The following PBXIP1 variants were observed in gnomAD, a reference collection of about 807,000 sequenced individuals.
PBXIP1 encodes PBX homeobox interacting protein 1.
A neutral mutation model predicts 73.7 loss-of-function variants in PBXIP1; 73 were observed. The observed-to-expected ratio is 0.99, with a 90% CI of 0.82 to 1.20. The LOEUF (loss-of-function observed/expected upper bound fraction) is 1.20. Ranked by LOEUF, PBXIP1 falls within the 50% of genes most tolerant of loss-of-function variation. The pLI, the probability that PBXIP1 is intolerant of heterozygous loss-of-function variation, is 0.00. For missense variants in PBXIP1, 818 were observed against 911.4 expected (o/e 0.90, Z 1.32); for synonymous variants, 330 against 366.9 (o/e 0.90, Z 1.15).
At chr1:154,947,269 G>C (rs1354670592) in intron 9 of PBXIP1, 148 bp downstream of exon 9, 1 of 947,384 alleles carries the variant, frequency 1.1e-6, no homozygotes, top group East Asian at 2.6e-5. Flanking sequence ...TGTGAACCAA[G>C]AACTGGGAAG....
Position 154,953,440 on chromosome 1 carries a change from G to T in PBXIP1, c.51+231C>A, listed in dbSNP as rs545637044. On this transcript the variant is annotated intron_variant, in intron 2 of 10. Transcript: ENST00000368463. ...CTCCATTCGAAATCCATCCCTACTT[G>T]TCTCAGCTTACCCAACTGGTCCCTT... Among the ~76,000 whole-genome samples the T allele has an allele frequency of 1.1e-4, 17 of 152,222 alleles. No homozygotes were observed. In the East Asian group the frequency reaches 3.3e-3, roughly 29 times the overall value.
intron 6 of PBXIP1, 22 bp from the exon 7 acceptor site, chr1:154,948,027 T>G: frequency 6.2e-7 from 1 of 1,609,104 alleles, no homozygotes; most frequent in Middle Eastern, 1.7e-4. Context: ...GACAGAGGAG[T>G]CTGATGAGGC....
chr1:154,949,334 TTG>T (rs927011480), intron 5 of PBXIP1, among the ~76,000 whole-genome samples: 1 of 150,922 alleles, frequency 6.6e-6, no homozygotes, highest in African/African-American at 2.4e-5. Context: ...CCCGGCTAAT[TTG>T]TGTGTGTGTG....
In PBXIP1 at chr1:154,945,651, T is replaced by C; in HGVS notation, c.2023A>G (p.Thr675Ala). Residue 675 changes from threonine to alanine, a missense_variant, in exon 10 of 11, where the codon ACA becomes GCA. By Grantham distance (58) the Thr-to-Ala change is moderately conservative (BLOSUM62 0). Transcript: ENST00000368463. The part of the protein sequence containing the change: ...DSLEEVAVQQ[T>A]GDDDEVDDFE... ...TCATCTACTTCATCATCATCACCTG[T>C]CTGTTGCACAGCCACCTCCTCCAAG... 2 of 1,614,186 alleles carry C rather than the reference T, an allele frequency of 1.2e-6. No individual in the cohort carries two copies. Among genetic ancestry groups the C allele is most frequent in the East Asian group, 2.2e-5 (1 of 44,892 alleles).
chr1:154,951,093 G>A lies in PBXIP1; in HGVS notation c.409+139C>T. 1.4e-6 allele frequency: 1 copy of A among 726,966 alleles called. No individual in the cohort carries two copies. Among genetic ancestry groups the A allele is most frequent in the Non-Finnish European group, 2.3e-6 (1 of 435,284 alleles). 45.0% of individuals were successfully genotyped at this position (726,966 alleles called of 1,614,324 possible). ...AACCTTTCTGGGCCTCAACGTCCCA[G>A]GGGTAGTGGTGAGAAAGGAGAGCAC... is the stretch of plus-strand genomic sequence containing the variant. On this transcript the variant is annotated intron_variant, in intron 5 of 10. Coordinates refer to ENST00000368463, the MANE Select transcript of PBXIP1 (RefSeq NM_020524.4). The surrounding 1 kb of genome is among the most constrained non-coding windows in gnomAD (Gnocchi z 4.3).
At position 154,946,087 on chromosome 1, in the gene PBXIP1, G is replaced by A; in HGVS notation, c.1587C>T (p.Ser529=). The change falls in exon 10 of 11, where the codon AGC becomes AGT. Residue 529 remains serine, a synonymous_variant. Coordinates refer to ENST00000368463, the MANE Select transcript of PBXIP1 (RefSeq NM_020524.4). ...GGCCCTGTCGCTTGCCCTCCTTCTTGCTCCCCGACTCCTCCACCCTTGGCC... is the reference window on the plus strand; with the variant it reads ...GGCCCTGTCGCTTGCCCTCCTTCTTACTCCCCGACTCCTCCACCCTTGGCC... The part of the protein sequence containing the change: ...EGRPRVEESG[S]KKEGKRQGPK... The A allele has an allele frequency of 1.2e-6, 2 of 1,614,042 alleles. No individual in the cohort carries two copies. Among genetic ancestry groups the A allele is most frequent in the Non-Finnish European group, 1.7e-6 (2 of 1,179,976 alleles).
intron 1 of PBXIP1, among the ~76,000 whole-genome samples, chr1:154,955,190 A>G (rs1655138375): frequency 6.6e-6 from 1 of 152,196 alleles, no homozygotes; most frequent in African/African-American, 2.4e-5. Context: ...GTAAGTATCC[A>G]TAGAGCCATG....
In PBXIP1 at chr1:154,951,700, C is replaced by T. The variant is rs72997354; in HGVS notation, c.178+95G>A. ...ACTGAGATTAATGGAGGAACTAAAA[C>T]GAACCAGCCTCCCTTTCTCTGAGGA... On this transcript the variant is annotated intron_variant, in intron 3 of 10. Transcript: ENST00000368463. This position sits in a 1 kb window ranked among gnomAD's most constrained non-coding sequence, Gnocchi z 4.3. The T allele has an allele frequency of 2.2e-3, 3,318 of 1,498,938 alleles. 52 individuals carry two copies. In the African/African-American group the frequency reaches 0.041, roughly 19 times the overall value. 92.9% of individuals were successfully genotyped at this position (1,498,938 alleles called of 1,614,324 possible). A position where few individuals can be genotyped will look rare whatever the true frequency, so the allele number is the denominator to read the frequency against.
At chr1:154,949,993 T>TA (rs527437483) in intron 5 of PBXIP1, among the ~76,000 whole-genome samples, 1 of 150,074 alleles carries the variant, frequency 6.7e-6, no homozygotes, top group Non-Finnish European at 1.5e-5. Context: ...TTTTTATTTA[T>TA]TTTATTTTAT....
In PBXIP1 at chr1:154,947,527, G is replaced by A; in HGVS notation, c.760C>T (p.Gln254Ter). The A allele has an allele frequency of 3.7e-6, 6 of 1,606,914 alleles. No individual in the cohort carries two copies. The highest frequency in any genetic ancestry group is 5.1e-6 in the Non-Finnish European group (6 of 1,175,216). ...ACACTGTCAGGAGGCACTGGGGCCTGCAGCTGTTCCCTTAGCCCATCCTGA... is the reference window on the plus strand; with the variant it reads ...ACACTGTCAGGAGGCACTGGGGCCTACAGCTGTTCCCTTAGCCCATCCTGA... Reference protein sequence around the residue: ...DRQDGLREQLQAPVPPDSVPS... With the variant: ...DRQDGLREQL Residue 254 changes from glutamine to a stop codon, truncating the protein, a stop_gained, in exon 9 of 11, where the codon CAG (glutamine) becomes TAG (stop). Coordinates refer to ENST00000368463, the MANE Select transcript of PBXIP1 (RefSeq NM_020524.4). LOFTEE classifies it high-confidence loss of function.
Position 154,948,181 on chromosome 1 carries a change from G to T in PBXIP1, c.595C>A (p.Leu199Ile). ...GELGISLNMC[L>I]LGALVLLGLG... ...CCAAGCAGAACCAGGGCCCCAAGGA[G>T]GCACATGTTGAGGGAGATGCCCAGC... The change falls in exon 6 of 11, where the codon CTC (leucine) becomes ATC (isoleucine). Residue 199 changes from leucine to isoleucine, a missense_variant. Transcript: ENST00000368463. 6.2e-7 allele frequency: 1 copy of T among 1,604,232 alleles called. No homozygotes were observed. The highest frequency in any genetic ancestry group is 8.5e-7 in the Non-Finnish European group (1 of 1,174,048).
Position 154,946,152 on chromosome 1 carries a change from G to A in PBXIP1, c.1522C>T (p.Gln508Ter), listed in dbSNP as rs1558037332. 9 of 1,614,012 alleles carry A rather than the reference G, an allele frequency of 5.6e-6. No homozygotes were observed. Among genetic ancestry groups the A allele is most frequent in the Non-Finnish European group, 7.6e-6 (9 of 1,179,990 alleles). ...CTTCCTGCTGGCTCCCTGTCCTCCTGACCTCCCCAGTTCTTCTTCCTTTCC... is the reference window on the plus strand; with the variant it reads ...CTTCCTGCTGGCTCCCTGTCCTCCTAACCTCCCCAGTTCTTCTTCCTTTCC... Reference protein sequence around the residue: ...GRERKKNWGGQEDREPAGRWK... With the variant: ...GRERKKNWGG Residue 508 changes from glutamine (Q) to a stop codon, truncating the protein, a stop_gained, in exon 10 of 11, where the codon CAG (glutamine) becomes TAG (stop). Transcript: ENST00000368463. LOFTEE classifies it high-confidence loss of function.
At position 154,946,310 on chromosome 1, in the gene PBXIP1, T is replaced by C. The variant is rs760205696; in HGVS notation, c.1364A>G (p.Asn455Ser). The C allele has an allele frequency of 3.2e-5, 52 of 1,614,094 alleles. No homozygotes were observed. Among genetic ancestry groups the C allele is most frequent in the Admixed American group, 1.0e-4 (6 of 60,010 alleles). ...NWGQDPGVSA[N>S]ASKAWHQKSH... Reference sequence around the variant, plus strand: ...CTTCTGGTGCCAGGCCTTTGAGGCATTGGCAGAGACCCCAGGGTCCTGGCC... The same window carrying C: ...CTTCTGGTGCCAGGCCTTTGAGGCACTGGCAGAGACCCCAGGGTCCTGGCC... The change falls in exon 10 of 11, where the codon AAT becomes AGT. Residue 455 changes from asparagine to serine, a missense_variant. Physicochemically the swap from Asn to Ser is conservative, Grantham distance 46. Transcript: ENST00000368463.
intron 2 of PBXIP1, 24 bp downstream of exon 2, chr1:154,953,647 G>T: frequency 2.6e-6 from 4 of 1,545,692 alleles, no homozygotes; most frequent in Non-Finnish European, 3.6e-6. Context: ...CCACCCCCAT[G>T]GTTCCCAGGC....
chr1:154,954,736 G>T (rs1331562477), intron 1 of PBXIP1, among the ~76,000 whole-genome samples: 1 of 152,160 alleles, frequency 6.6e-6, no homozygotes, highest in African/African-American at 2.4e-5. Context: ...CACAAAGCAG[G>T]GTAAGAAGAG....
Position 154,946,047 on chromosome 1 carries a change from T to C in PBXIP1, c.1627A>G (p.Arg543Gly), listed in dbSNP as rs1386352889. 6.2e-7 allele frequency: 1 copy of C among 1,614,170 alleles called. No homozygotes were observed. The highest frequency in any genetic ancestry group is 1.1e-5 in the South Asian group (1 of 91,084). The change falls in exon 10 of 11, where the codon AGG becomes GGG. Residue 543 changes from arginine to glycine, a missense_variant. Coordinates refer to ENST00000368463, the MANE Select transcript of PBXIP1 (RefSeq NM_020524.4). ...GKRQGPKEPP[R>G]KSGSFHSSGE... ...GAGGAGTGGAAGCTACCACTTTTCC[T>C]TGGGGGTTCCTTCGGGCCCTGTCGC...
chr1:154,947,612 C>G, intron 8 of PBXIP1, 30 bp downstream of exon 8: 1 of 1,612,232 alleles, frequency 6.2e-7, no homozygotes, highest in Non-Finnish European at 8.5e-7. Context: ...CAGCCAGGCC[C>G]CACCTGCCTC....
chr1:154,947,677 C>G lies in PBXIP1; in HGVS notation c.703G>C (p.Asp235His), dbSNP rs1558038576. Residue 235 changes from aspartate to histidine, a missense_variant, in exon 8 of 11, where the codon GAC (aspartate) becomes CAC (histidine). Physicochemically the swap from Asp to His is moderately conservative, Grantham distance 81 (BLOSUM62 -1). Coordinates refer to ENST00000368463, the MANE Select transcript of PBXIP1 (RefSeq NM_020524.4). Reference sequence around the variant, plus strand: ...CCCACAGCTTCCAGCACCTCGGGGTCTGGGAGGACCTGCCGCTCCACTTCC... The same window carrying G: ...CCCACAGCTTCCAGCACCTCGGGGTGTGGGAGGACCTGCCGCTCCACTTCC... ...MEEVERQVLPDPEVLEAVGDR... is the reference protein window; with the variant it reads ...MEEVERQVLPHPEVLEAVGDR... The G allele has an allele frequency of 1.2e-6, 2 of 1,613,906 alleles. No individual in the cohort carries two copies. The highest frequency in any genetic ancestry group is 1.7e-5 in the Admixed American group (1 of 60,014).
chr1:154,955,507 C>T (rs910335155), intron 1 of PBXIP1, among the ~76,000 whole-genome samples: 1 of 152,164 alleles, frequency 6.6e-6, no homozygotes, highest in Non-Finnish European at 1.5e-5. Context: ...GTTCCAAACC[C>T]TGATACCTCT....
Sources: gnomAD v4.1 joint callset for allele counts (sites outside exome capture counted in the v4.1 genomes callset) on GRCh38, gnomAD v4.1.1 for gene constraint, Gnocchi (gnomAD v3.1) non-coding constraint, MANE v1.5 for transcripts, NCBI Gene and HGNC (gene_info 2026-07-23, HGNC 2026-07-21) for gene names.